MYO16: variants seen among roughly 807,000 people sequenced by gnomAD.
The protein encoded by MYO16 is myosin XVI, also known as unconventional myosin-XVI.
In MYO16, 94 loss-of-function variants were observed where a neutral mutation model predicts 205.3. The observed-to-expected ratio is 0.46, with a 90% CI of 0.39 to 0.54. MYO16 has a LOEUF of 0.54. MYO16 is among the 20% of genes least tolerant of loss of function. MYO16 has a pLI of 0.00. For synonymous variants in MYO16, 988 were observed against 954.0 expected, an observed-to-expected ratio of 1.04 and a Z score of -0.66; for missense variants, 2,315 against 2,387.5, an observed-to-expected ratio of 0.97 and a Z score of 0.63.
intron 16 of MYO16, among the ~76,000 whole-genome samples, chr13:108,945,396 T>C (rs1270836919): frequency 2.6e-5 from 4 of 152,226 alleles, no homozygotes. Context: ...TTGAACTTTG[T>C]TATTTCATAA....
intron 28 of MYO16, among the ~76,000 whole-genome samples, chr13:109,104,909 CT>C (rs1027075282): frequency 1.3e-5 from 2 of 152,256 alleles, no homozygotes; most frequent in African/African-American, 4.8e-5. Context: ...CTCTTCTCTG[CT>C]TTGTTCTCCT....
chr13:109,127,970 A>G lies in MYO16; in HGVS notation c.4051+420A>G, dbSNP rs1876348254. Among the ~76,000 whole-genome samples the G allele has an allele frequency of 6.6e-6, 1 of 152,186 alleles. No individual in the cohort carries two copies. Among genetic ancestry groups the G allele is most frequent in the Admixed American group, 6.5e-5 (1 of 15,280 alleles). ...GAAATTATTTACCCATAGGAGAGTC[A>G]TCGTGCAGGAAACTTCTGTTAGGAA... On this transcript the variant is annotated intron_variant, in intron 31 of 34. Coordinates refer to ENST00000457511, the MANE Select transcript of MYO16 (RefSeq NM_001198950.3). This position sits in a 1 kb window ranked among gnomAD's most constrained non-coding sequence, Gnocchi z 4.2.
chr13:108,518,095 G>A, the MYO16 span, among the ~76,000 whole-genome samples: 2 of 152,272 alleles, frequency 1.3e-5, no homozygotes, highest in Middle Eastern at 3.4e-3. Flanking sequence ...AGTCTATACA[G>A]AGGAAATAAA....
intron 1 of MYO16, among the ~76,000 whole-genome samples, chr13:108,608,134 T>C (rs998230557): frequency 1.3e-5 from 2 of 152,224 alleles, no homozygotes; most frequent in Non-Finnish European, 2.9e-5. Flanking sequence ...ACTCTGATTT[T>C]AGTTTCCGTC....
At chr13:109,032,434 C>T (rs1464390558) in intron 23 of MYO16, among the ~76,000 whole-genome samples, 1 of 152,198 alleles carries the variant, frequency 6.6e-6, no homozygotes, top group East Asian at 1.9e-4. Context: ...AAGGCCAGTG[C>T]ACAGTATCTT....
chr13:108,523,826 G>A, the MYO16 span, among the ~76,000 whole-genome samples: 1 of 152,150 alleles, frequency 6.6e-6, no homozygotes, highest in Non-Finnish European at 1.5e-5. Context: ...TTGATATAGT[G>A]TAGATATCTG....
chr13:109,018,759 C>T (rs1055612839), intron 22 of MYO16, among the ~76,000 whole-genome samples: 12 of 152,270 alleles, frequency 7.9e-5, no homozygotes, highest in African/African-American at 2.6e-4. Context: ...GGAAATCCCC[C>T]GACCCCTTGC....
At chr13:108,921,211 G>A (rs12871354) in intron 16 of MYO16, among the ~76,000 whole-genome samples, 47,037 of 151,900 alleles carry the variant, frequency 0.31, 8,139 homozygotes, top group Non-Finnish European at 0.4. Context: ...CGCTTGTACC[G>A]GGCAACCCCA....
chr13:108,691,795 A>G (rs1882907083), intron 2 of MYO16, among the ~76,000 whole-genome samples: 1 of 152,248 alleles, frequency 6.6e-6, no homozygotes, highest in Admixed American at 6.5e-5. Flanking sequence ...GTTTAAAGCA[A>G]GGTGACTTTT....
chr13:108,891,986 G>C (rs1446145161), intron 14 of MYO16, among the ~76,000 whole-genome samples: 2 of 152,046 alleles, frequency 1.3e-5, no homozygotes, highest in Non-Finnish European at 2.9e-5. Context: ...ATTTAGAAAT[G>C]AGAATAACTG....
intron 16 of MYO16, among the ~76,000 whole-genome samples, chr13:108,957,243 G>T (rs1883390520): frequency 6.6e-6 from 1 of 151,938 alleles, no homozygotes; most frequent in Non-Finnish European, 1.5e-5. Context: ...AATTAGCCGG[G>T]CGTGGTGGCA....
the MYO16 span, among the ~76,000 whole-genome samples, chr13:108,554,831 C>T: frequency 1.8e-5 from 2 of 112,222 alleles, no homozygotes; most frequent in Non-Finnish European, 3.3e-5. Flanking sequence ...GCCTGGGCGA[C>T]AGAGAGAGAC....
intron 2 of MYO16, among the ~76,000 whole-genome samples, chr13:108,707,332 C>G (rs1306146800): frequency 6.6e-5 from 10 of 152,114 alleles, no homozygotes; most frequent in Non-Finnish European, 1.5e-4. Context: ...ACATAGGGAT[C>G]AATCAATGAC....
At chr13:108,980,701 C>G (rs1341673239) in intron 20 of MYO16, among the ~76,000 whole-genome samples, 1 of 152,182 alleles carries the variant, frequency 6.6e-6, no homozygotes, top group Non-Finnish European at 1.5e-5. Context: ...TTGAACTATT[C>G]TCTCTTCACA....
chr13:108,602,872 T>C (rs1164093384), intron 1 of MYO16, among the ~76,000 whole-genome samples: 1 of 152,146 alleles, frequency 6.6e-6, no homozygotes, highest in Non-Finnish European at 1.5e-5. Flanking sequence ...AGAGAAAATA[T>C]AACACTTGCT....
intron 7 of MYO16, among the ~76,000 whole-genome samples, chr13:108,811,712 C>G (rs528412466): frequency 6.6e-6 from 1 of 152,212 alleles, no homozygotes; most frequent in East Asian, 1.9e-4. Flanking sequence ...TGGACTGTGT[C>G]GAGATACTTA....
At chr13:109,147,444 A>G (rs1224501021) in intron 32 of MYO16, among the ~76,000 whole-genome samples, 1 of 152,184 alleles carries the variant, frequency 6.6e-6, no homozygotes, top group East Asian at 1.9e-4. Context: ...GATGTTTGAA[A>G]CAGAAGTTCC....
At chr13:108,504,707 T>C in the MYO16 span, among the ~76,000 whole-genome samples, 1 of 152,100 alleles carries the variant, frequency 6.6e-6, no homozygotes, top group African/African-American at 2.4e-5. Flanking sequence ...AGCTAATTTT[T>C]GTATTTTTAG....
chr13:109,028,541 A>G (rs531446121), intron 23 of MYO16: 1 of 158,190 alleles, frequency 6.3e-6, no homozygotes. Context: ...GTTACTGCAC[A>G]TTTTAAAAGA....
Sources: allele counts gnomAD v4.1 joint callset (sites outside exome capture counted in the v4.1 genomes callset), GRCh38; gene constraint gnomAD v4.1.1; non-coding constraint Gnocchi (gnomAD v3.1); transcripts MANE v1.5; gene names NCBI Gene and HGNC (gene_info 2026-07-23, HGNC 2026-07-21).